The following MELTF variants were observed in gnomAD, a reference collection of about 807,000 sequenced individuals.
MELTF encodes melanotransferrin.
In MELTF, 67 loss-of-function variants were observed where a neutral mutation model predicts 83.7. The ratio of observed to expected loss-of-function variants is 0.80; its 90% CI spans 0.66 to 0.98. The LOEUF is 0.98. Among genes scored for constraint, MELTF ranks in the 50% least tolerant of loss-of-function variants. The pLI is 0.00. For synonymous variants in MELTF, 462 were observed against 447.6 expected, an observed-to-expected ratio of 1.03 and a Z score of -0.41; for missense variants, 1,002 against 1,035.6, an observed-to-expected ratio of 0.97 and a Z score of 0.44.
At position 197,006,741 on chromosome 3, in the gene MELTF, G is replaced by T. The variant is rs768339465; in HGVS notation, c.1751-5C>A. ...CCCAGGGCTCGGAATTGTGGCCTGA[G>T]GGGGGTAAAGCAGTGTGTGTGGGGA... On this transcript the variant is annotated splice_polypyrimidine_tract_variant and splice_region_variant and intron_variant, in intron 13 of 15. Coordinates refer to ENST00000296350, the MANE Select transcript of MELTF (RefSeq NM_005929.6). This position sits in a 1 kb window ranked among gnomAD's most constrained non-coding sequence, Gnocchi z 5.4. 4 of 1,526,704 alleles carry T rather than the reference G, an allele frequency of 2.6e-6. No homozygotes were observed. Among genetic ancestry groups the T allele is most frequent in the Non-Finnish European group, 2.6e-6 (3 of 1,139,630 alleles). 94.6% of individuals were successfully genotyped at this position (1,526,704 alleles called of 1,614,324 possible). A position where few individuals can be genotyped will look rare whatever the true frequency, so the allele number is the denominator to read the frequency against.
chr3:197,017,733 T>C (rs551035872), intron 6 of MELTF, among the ~76,000 whole-genome samples: 154 of 151,848 alleles, frequency 1.0e-3, no homozygotes, highest in East Asian at 2.0e-3. Context: ...AAAAATTAGC[T>C]GGGCGTGGTG....
At position 197,016,283 on chromosome 3, in the gene MELTF, G is replaced by C; in HGVS notation, c.987C>G (p.Thr329=). Residue 329 remains threonine (T), a synonymous_variant, in exon 8 of 16, where the codon ACC becomes ACG. Coordinates refer to ENST00000296350, the MANE Select transcript of MELTF (RefSeq NM_005929.6). ...GQKDLLFKDS[T]SELVPIATQT... is the part of the protein sequence containing the mutation. ...GTGTGGCGATGGGCACAAGCTCCGA[G>C]GTAGAGTCTTTGAAGAGTAGATCCT... 6.2e-7 allele frequency: 1 copy of C among 1,613,328 alleles called. No individual in the cohort carries two copies. The highest frequency in any genetic ancestry group is 8.5e-7 in the Non-Finnish European group (1 of 1,179,564).
intron 2 of MELTF, among the ~76,000 whole-genome samples, chr3:197,027,217 G>C (rs1167960442): frequency 6.6e-6 from 1 of 152,170 alleles, no homozygotes; most frequent in African/African-American, 2.4e-5. Context: ...TAGGTCTTGG[G>C]GGCATATGGG....
At chr3:197,027,667 C>T (rs775618947) in intron 2 of MELTF, 89 bp downstream of exon 2, 51 of 1,444,500 alleles carry the variant, frequency 3.5e-5, no homozygotes, top group African/African-American at 1.3e-4. Context: ...AGGGCGAGGT[C>T]GGCTCCTTTC....
In MELTF at chr3:197,002,668, G is replaced by A. The variant is rs78541790; in HGVS notation, c.*704C>T. The A allele has an allele frequency of 1.7e-3, 258 of 152,484 alleles. 4 individuals carry two copies. The East Asian group carries it at 0.024, about 14-fold the overall frequency. 9.4% of individuals were successfully genotyped at this position (152,484 alleles called of 1,614,324 possible). Reference sequence around the variant, plus strand: ...GTGGGCATCCCACGGGGGTAGGGGAGGCGAGAGCCTGAGGAGACTCGGGAG... The same window carrying A: ...GTGGGCATCCCACGGGGGTAGGGGAAGCGAGAGCCTGAGGAGACTCGGGAG... On this transcript the variant is annotated 3_prime_UTR_variant, in exon 16 of 16. Transcript: ENST00000296350.
At chr3:197,025,174 C>T (rs952163543) in intron 3 of MELTF, among the ~76,000 whole-genome samples, 2 of 152,342 alleles carry the variant, frequency 1.3e-5, no homozygotes, top group African/African-American at 4.8e-5. Context: ...GAACTGATGC[C>T]CAGAGGGTCT....
At chr3:197,005,880 T>C (rs1276145378) in intron 14 of MELTF, among the ~76,000 whole-genome samples, 3 of 152,004 alleles carry the variant, frequency 2.0e-5, no homozygotes, top group Non-Finnish European at 4.4e-5. Flanking sequence ...GGAGAGGACT[T>C]GTTAACTCCA....
rs772144204 is a variant in MELTF at position 197,011,208 on chromosome 3, CTGTT to C, written c.1234-418_1234-415del. 1.4e-4 allele frequency among the ~76,000 whole-genome samples: 21 copies of C among 152,254 alleles called. No individual in the cohort carries two copies. The highest frequency in any genetic ancestry group is 2.4e-4 in the Non-Finnish European group (16 of 68,034). On this transcript the variant is annotated intron_variant, in intron 9 of 15. Transcript: ENST00000296350. This position sits in a 1 kb window ranked among gnomAD's most constrained non-coding sequence, Gnocchi z 4.2. ...GCACAGCGTGTGCTGCAATGCCTGT[CTGTT>C]AAATGCGTGTACAGATGGAAGAATG...
intron 11 of MELTF, 116 bp downstream of exon 11, chr3:197,009,502 A>G (rs1719104533): frequency 1.0e-6 from 1 of 957,974 alleles, no homozygotes; most frequent in Admixed American, 2.7e-5. Context: ...ATACCTGGGC[A>G]CATATGCAGA....
Position 197,025,220 on chromosome 3 carries a change from C to T in MELTF, c.305-735G>A, listed in dbSNP as rs189025047. 1.3e-4 allele frequency among the ~76,000 whole-genome samples: 20 copies of T among 152,366 alleles called. No homozygotes were observed. In the East Asian group the frequency reaches 2.3e-3, roughly 18 times the overall value. ...GGGCGCACACACGCAGGCATGCACG[C>T]GTGCACAAACTGCCCGGTGGTGTGG... On this transcript the variant is annotated intron_variant, in intron 3 of 15. Transcript: ENST00000296350.
chr3:197,012,202 C>T (rs904192593), intron 9 of MELTF, among the ~76,000 whole-genome samples: 1 of 152,144 alleles, frequency 6.6e-6, no homozygotes, highest in African/African-American at 2.4e-5. Flanking sequence ...TCCTGAGATC[C>T]AGAAGTGTGA....
chr3:197,029,590 G>A lies in MELTF; in HGVS notation c.49+64C>T, dbSNP rs1720004502. Reference sequence around the variant, plus strand: ...AGGCACATTTCCAGCCCCGGGACCTGCTCAGCCGGGCCGCGGCGCCCCGGG... The same window carrying A: ...AGGCACATTTCCAGCCCCGGGACCTACTCAGCCGGGCCGCGGCGCCCCGGG... On this transcript the variant is annotated intron_variant, in intron 1 of 15. Coordinates refer to ENST00000296350, the MANE Select transcript of MELTF (RefSeq NM_005929.6). The surrounding 1 kb of genome is among the most constrained non-coding windows in gnomAD (Gnocchi z 6.5). 3 of 1,208,170 alleles carry A rather than the reference G, an allele frequency of 2.5e-6. No homozygotes were observed. The highest frequency in any genetic ancestry group is 3.1e-6 in the Non-Finnish European group (3 of 964,128). The allele number at this position is 1,208,170 out of a possible 1,614,324, so 74.8% of individuals were successfully genotyped here. A position where few individuals can be genotyped will look rare whatever the true frequency, so the allele number is the denominator to read the frequency against.
chr3:197,009,341 T>C (rs542142921), intron 11 of MELTF, among the ~76,000 whole-genome samples: 11 of 152,224 alleles, frequency 7.2e-5, no homozygotes, highest in Non-Finnish European at 1.6e-4. Flanking sequence ...AAAAAGTGCT[T>C]GTATGTTTTC....
At position 197,017,094 on chromosome 3, in the gene MELTF, T is replaced by A. The variant is rs2148585505; in HGVS notation, c.900+9A>T. On this transcript the variant is annotated intron_variant, in intron 7 of 15. Coordinates refer to ENST00000296350, the MANE Select transcript of MELTF (RefSeq NM_005929.6). ...AGCTGTGCAGGTGGTTGGGGGACCC[T>A]GAGCCCACCTGGCCTTCGTTGAGCA... 6.2e-7 allele frequency: 1 copy of A among 1,609,746 alleles called. No homozygotes were observed. The highest frequency in any genetic ancestry group is 1.7e-5 in the Admixed American group (1 of 59,538).
chr3:197,010,805 TAGA>T lies in MELTF; in HGVS notation c.1234-14_1234-12del, dbSNP rs746412912. 3 of 1,612,808 alleles carry T rather than the reference TAGA, an allele frequency of 1.9e-6. No homozygotes were observed. Among genetic ancestry groups the T allele is most frequent in the Admixed American group, 1.7e-5 (1 of 60,010 alleles). On this transcript the variant is annotated splice_polypyrimidine_tract_variant and intron_variant, in intron 9 of 15. Coordinates refer to ENST00000296350, the MANE Select transcript of MELTF (RefSeq NM_005929.6). Reference sequence around the variant, plus strand: ...GTCGACCTGCTCAGCCTGAAGGGAATAGAAGAAGCCACTGGGCCGGGGTGGGCC... The same window carrying T: ...GTCGACCTGCTCAGCCTGAAGGGAATAGAAGCCACTGGGCCGGGGTGGGCC...
intron 1 of MELTF, 47 bp from the exon 2 acceptor site, chr3:197,027,957 C>A: frequency 1.3e-6 from 2 of 1,517,686 alleles, no homozygotes; most frequent in Non-Finnish European, 1.8e-6. Context: ...CCTGCCCAGC[C>A]CCGGCCCACC....
intron 14 of MELTF, 63 bp from the exon 15 acceptor site, chr3:197,004,162 T>C (rs1718892653): frequency 6.7e-7 from 1 of 1,482,018 alleles, no homozygotes; most frequent in Non-Finnish European, 9.4e-7. Context: ...ACCCGCCCAG[T>C]GCCGCTAGCT....
chr3:197,008,590 G>A lies in MELTF; in HGVS notation c.1750+67C>T. 1 of 1,531,774 alleles carries A rather than the reference G, an allele frequency of 6.5e-7. No homozygotes were observed. The highest frequency in any genetic ancestry group is 8.9e-7 in the Non-Finnish European group (1 of 1,119,280). The allele number at this position is 1,531,774 out of a possible 1,614,324, so 94.9% of individuals were successfully genotyped here. A position where few individuals can be genotyped will look rare whatever the true frequency, so the allele number is the denominator to read the frequency against. ...TTGGCCCCAGCCCAGCATGGTGTCTGGATGGTGCTGAAGATGGGGAACAGT... is the reference window on the plus strand; with the variant it reads ...TTGGCCCCAGCCCAGCATGGTGTCTAGATGGTGCTGAAGATGGGGAACAGT... On this transcript the variant is annotated intron_variant, in intron 13 of 15. Transcript: ENST00000296350. The surrounding 1 kb of genome is among the most constrained non-coding windows in gnomAD (Gnocchi z 5.4).
Position 197,003,714 on chromosome 3 carries a change from C to A in MELTF, c.2137+187G>T. 1.4e-6 allele frequency: 1 copy of A among 715,242 alleles called. No homozygotes were observed. The allele number at this position is 715,242 out of a possible 1,614,324, so 44.3% of individuals were successfully genotyped here. A position where few individuals can be genotyped will look rare whatever the true frequency, so the allele number is the denominator to read the frequency against. ...ATTACCCAGGTCCGTCTGGGAGACC[C>A]GCCGGGCTCCCGCCCTCCCGGCCCG... On this transcript the variant is annotated intron_variant, in intron 15 of 15. Transcript: ENST00000296350. The surrounding 1 kb of genome is among the most constrained non-coding windows in gnomAD (Gnocchi z 6.2).
Sources: gnomAD v4.1 joint callset for allele counts (sites outside exome capture counted in the v4.1 genomes callset) on GRCh38, gnomAD v4.1.1 for gene constraint, Gnocchi (gnomAD v3.1) non-coding constraint, MANE v1.5 for transcripts, NCBI Gene and HGNC (gene_info 2026-07-23, HGNC 2026-07-21) for gene names.